Variants in PRELID2 observed in about 807,000 individuals in gnomAD.
PRELID2 encodes PRELI domain containing 2, also known as PRELI domain-containing protein 2.
In PRELID2, 25 loss-of-function variants were observed where a neutral mutation model predicts 28.4. The ratio of observed to expected loss-of-function variants is 0.88; its 90% confidence interval spans 0.64 to 1.23. PRELID2 has a LOEUF of 1.23. Among genes scored for constraint, PRELID2 ranks in the 50% most tolerant of loss-of-function variants. The pLI, the probability that PRELID2 is intolerant of heterozygous loss-of-function variation, is 0.00. For missense variants in PRELID2, 201 were observed against 214.4 expected (o/e 0.94, Z 0.39); for synonymous variants, 76 against 71.6 (o/e 1.06, Z -0.31).
intron 2 of PRELID2, 22 bp from the exon 3 acceptor site, chr5:145,820,040 AC>A: frequency 7.2e-7 from 1 of 1,385,540 alleles, no homozygotes; most frequent in Non-Finnish European, 1.0e-6. Flanking sequence ...ATTTTTTTAC[AC>A]AAAAAAAAAT....
chr5:145,636,425 T>C (rs1006356880), intron 1 of PRELID2, among the ~76,000 whole-genome samples: 1 of 152,218 alleles, frequency 6.6e-6, no homozygotes, highest in African/African-American at 2.4e-5. Context: ...CATAAGTGCT[T>C]AGAACAAAAC....
the PRELID2 span, among the ~76,000 whole-genome samples, chr5:145,342,439 A>T: frequency 6.6e-6 from 1 of 152,172 alleles, no homozygotes; most frequent in Non-Finnish European, 1.5e-5. Context: ...AATATGTGAA[A>T]CAACCAGTAA....
chr5:145,557,861 C>G (rs1752894043), intron 1 of PRELID2, among the ~76,000 whole-genome samples: 1 of 152,136 alleles, frequency 6.6e-6, no homozygotes, highest in African/African-American at 2.4e-5. Flanking sequence ...CTATAGTATG[C>G]TCTTTTCTTT....
At chr5:145,229,686 TACC>T in the PRELID2 span, 1 of 764,644 alleles carries the variant, frequency 1.3e-6, no homozygotes, top group East Asian at 2.5e-5. Flanking sequence ...CACCATCCTT[TACC>T]ATGCTCATTT....
the PRELID2 span, among the ~76,000 whole-genome samples, chr5:145,313,632 A>G: frequency 6.6e-6 from 1 of 152,194 alleles, no homozygotes; most frequent in Admixed American, 6.5e-5. Context: ...CTCATCTGGA[A>G]CTGCAAGAGA....
the PRELID2 span, among the ~76,000 whole-genome samples, chr5:145,459,900 C>T: frequency 1.2e-4 from 18 of 151,624 alleles, no homozygotes; most frequent in African/African-American, 3.4e-4. Context: ...ACCTCCAACT[C>T]CCGGGTTCAA....
chr5:145,820,645 G>A (rs1561649064), intron 2 of PRELID2, among the ~76,000 whole-genome samples: 1 of 152,016 alleles, frequency 6.6e-6, no homozygotes, highest in African/African-American at 2.4e-5. Flanking sequence ...ATTGTTACCG[G>A]CAGCAAACCT....
At chr5:145,440,519 T>C in the PRELID2 span, among the ~76,000 whole-genome samples, 1 of 152,176 alleles carries the variant, frequency 6.6e-6, no homozygotes, top group Non-Finnish European at 1.5e-5. Context: ...CAAGGTTTGA[T>C]TTCCACTGGC....
At chr5:145,739,908 A>C (rs887427448) in intron 1 of PRELID2, among the ~76,000 whole-genome samples, 1 of 151,450 alleles carries the variant, frequency 6.6e-6, no homozygotes, top group South Asian at 2.1e-4. Context: ...ATACCTAAAG[A>C]AAGTTTTTAA....
At chr5:145,318,602 G>C in the PRELID2 span, among the ~76,000 whole-genome samples, 1 of 152,172 alleles carries the variant, frequency 6.6e-6, no homozygotes, top group Non-Finnish European at 1.5e-5. Context: ...TGTCTGTTTG[G>C]CTGCTGTGCA....
chr5:145,293,672 T>A, the PRELID2 span, among the ~76,000 whole-genome samples: 1 of 152,314 alleles, frequency 6.6e-6, no homozygotes, highest in Admixed American at 6.5e-5. Flanking sequence ...TTTAATGTTA[T>A]TAATATGATA....
At chr5:145,307,784 T>C in the PRELID2 span, among the ~76,000 whole-genome samples, 4 of 151,948 alleles carry the variant, frequency 2.6e-5, no homozygotes, top group African/African-American at 7.2e-5. Context: ...AGCAAGACCA[T>C]TGGAGCAGGA....
At chr5:145,488,453 TG>T (rs1752241536) in intron 1 of PRELID2, among the ~76,000 whole-genome samples, 1 of 152,198 alleles carries the variant, frequency 6.6e-6, no homozygotes, top group Non-Finnish European at 1.5e-5. Flanking sequence ...TTACTGTTTT[TG>T]TTTAGTTCAG....
intron 4 of PRELID2, among the ~76,000 whole-genome samples, chr5:145,812,290 G>A (rs1754006384): frequency 6.6e-6 from 1 of 151,984 alleles, no homozygotes; most frequent in Non-Finnish European, 1.5e-5. Context: ...GACATACAGA[G>A]AAAGGTAGAG....
chr5:145,230,523 G>A, the PRELID2 span, among the ~76,000 whole-genome samples: 1 of 152,036 alleles, frequency 6.6e-6, no homozygotes, highest in East Asian at 1.9e-4. Context: ...AGGTTGCAGT[G>A]AGCTGAGATT....
At chr5:145,764,401 G>A (rs1468691954) in intron 6 of PRELID2, among the ~76,000 whole-genome samples, 1 of 152,142 alleles carries the variant, frequency 6.6e-6, no homozygotes, top group East Asian at 1.9e-4. Context: ...TAACCACCAA[G>A]GCACTCTTAC....
At chr5:145,582,876 A>T (rs1753120536) in intron 1 of PRELID2, among the ~76,000 whole-genome samples, 1 of 152,148 alleles carries the variant, frequency 6.6e-6, no homozygotes, top group Admixed American at 6.6e-5. Flanking sequence ...TACAAAGAAG[A>T]GCTGGTACCA....
intron 1 of PRELID2, among the ~76,000 whole-genome samples, chr5:145,539,608 A>T (rs1173272440): frequency 2.0e-5 from 3 of 151,956 alleles, no homozygotes; most frequent in Admixed American, 1.3e-4. Flanking sequence ...ATAAACTTTT[A>T]TGTCTGGCAC....
the PRELID2 span, among the ~76,000 whole-genome samples, chr5:145,401,271 T>A: frequency 6.6e-6 from 1 of 151,920 alleles, no homozygotes; most frequent in Non-Finnish European, 1.5e-5. Flanking sequence ...TTATCCTTGG[T>A]AAAATATGAA....
Sources: gnomAD v4.1 joint callset for allele counts (sites outside exome capture counted in the v4.1 genomes callset) on GRCh38, gnomAD v4.1.1 for gene constraint, MANE v1.5 for transcripts, NCBI Gene and HGNC (gene_info 2026-07-23, HGNC 2026-07-21) for gene names.